RNF180: variants seen among roughly 807,000 people sequenced by gnomAD.
The protein encoded by RNF180 is E3 ubiquitin-protein ligase RNF180.
A neutral mutation model predicts 59.2 loss-of-function variants in RNF180; 38 were observed. The observed-to-expected ratio is 0.64, with a 90% CI of 0.50 to 0.84. The LOEUF is 0.84. RNF180 is among the 40% of genes least tolerant of loss of function. The pLI, the probability that RNF180 is intolerant of heterozygous loss-of-function variation, is 0.00. For missense variants in RNF180, 705 were observed against 700.9 expected (o/e 1.01, Z -0.07); for synonymous variants, 262 against 240.3 (o/e 1.09, Z -0.84).
chr5:64,327,587 A>G (rs2112529194), intron 6 of RNF180, among the ~76,000 whole-genome samples: 1 of 152,296 alleles, frequency 6.6e-6, no homozygotes, highest in East Asian at 1.9e-4. Context: ...TATAGTTTCT[A>G]ATGTTCCTCT....
intron 7 of RNF180, among the ~76,000 whole-genome samples, chr5:64,356,030 G>T (rs1214752390): frequency 6.6e-6 from 1 of 151,730 alleles, no homozygotes; most frequent in Non-Finnish European, 1.5e-5. Flanking sequence ...AATTTTGAAA[G>T]GAATCACTTG....
chr5:64,317,623 TACAC>T (rs3069586), intron 5 of RNF180, among the ~76,000 whole-genome samples: 38,916 of 144,772 alleles, frequency 0.27, 5,433 homozygotes, highest in East Asian at 0.55. Context: ...CACACATATA[TACAC>T]ACACACACAC....
intron 1 of RNF180, among the ~76,000 whole-genome samples, chr5:64,188,437 C>A (rs1334934593): frequency 2.7e-5 from 4 of 150,766 alleles, no homozygotes; most frequent in Admixed American, 6.6e-5. Flanking sequence ...AAGTGCCGTG[C>A]CCAGGAGGTA....
intron 7 of RNF180, among the ~76,000 whole-genome samples, chr5:64,339,914 T>C (rs969119863): frequency 6.6e-6 from 1 of 152,146 alleles, no homozygotes; most frequent in Non-Finnish European, 1.5e-5. Context: ...AAATGGGTAA[T>C]AAGAAAAGGA....
At chr5:64,369,496 C>A in intron 7 of RNF180, 119 bp from the exon 8 acceptor site, 1 of 537,512 alleles carries the variant, frequency 1.9e-6, no homozygotes, top group Non-Finnish European at 3.1e-6. Flanking sequence ...GTCAGGAATA[C>A]AACATAACTC....
chr5:64,338,358 G>T (rs991236603), intron 7 of RNF180, among the ~76,000 whole-genome samples: 3 of 152,152 alleles, frequency 2.0e-5, no homozygotes, highest in African/African-American at 7.2e-5. Context: ...CTTTTGGCTG[G>T]GCGCAGTGGC....
intron 3 of RNF180, among the ~76,000 whole-genome samples, chr5:64,212,489 T>G (rs938883130): frequency 1.3e-5 from 2 of 152,114 alleles, no homozygotes; most frequent in South Asian, 4.1e-4. Flanking sequence ...GTTAATTGCC[T>G]AGCTCCCACC....
At chr5:64,206,852 G>A (rs1342441675) in intron 2 of RNF180, among the ~76,000 whole-genome samples, 5 of 152,144 alleles carry the variant, frequency 3.3e-5, no homozygotes, top group Admixed American at 2.0e-4. Context: ...CCTCGCCAGA[G>A]CCAGAACATG....
rs1580010202 is a variant in RNF180 at position 64,212,066 on chromosome 5, A to G, written c.137A>G (p.Asp46Gly). Residue 46 changes from aspartate to glycine, a missense_variant and splice_region_variant, in exon 3 of 8, where the codon GAT becomes GGT. By Grantham distance (94) the Asp-to-Gly change is moderately conservative (BLOSUM62 -1). Transcript: ENST00000389100. The part of the protein sequence containing the change: ...MEYLENQVIK[D>G]KDDSVDAQNI... ...ATATCATTTATTTTTATTTAACAGG[A>G]TAAAGATGATTCAGTTGATGCTCAA... 3 of 1,544,536 alleles carry G rather than the reference A, an allele frequency of 1.9e-6. No homozygotes were observed. The highest frequency in any genetic ancestry group is 2.7e-6 in the Non-Finnish European group (3 of 1,116,994).
At chr5:64,347,991 A>G (rs980731664) in intron 7 of RNF180, among the ~76,000 whole-genome samples, 7 of 152,128 alleles carry the variant, frequency 4.6e-5, no homozygotes, top group Admixed American at 1.3e-4. Flanking sequence ...TTTTGTGAAC[A>G]AGATCATTAT....
At chr5:64,198,252 T>C (rs534692979) in intron 1 of RNF180, among the ~76,000 whole-genome samples, 28 of 152,326 alleles carry the variant, frequency 1.8e-4, no homozygotes, top group African/African-American at 6.7e-4. Context: ...ATAACTCACA[T>C]TTCAAGCACT....
chr5:64,314,191 A>G (rs1335030079), intron 5 of RNF180, among the ~76,000 whole-genome samples: 2 of 152,116 alleles, frequency 1.3e-5, no homozygotes, highest in Non-Finnish European at 2.9e-5. Flanking sequence ...GTGTCTTAGC[A>G]CTCAAAAAGT....
intron 7 of RNF180, among the ~76,000 whole-genome samples, chr5:64,360,584 AG>A (rs1262800599): frequency 1.3e-5 from 2 of 151,790 alleles, no homozygotes; most frequent in Non-Finnish European, 2.9e-5. Context: ...AAGGAAATAA[AG>A]GGTATTCAAT....
intron 7 of RNF180, among the ~76,000 whole-genome samples, chr5:64,365,609 G>T (rs1258620694): frequency 6.6e-6 from 1 of 151,672 alleles, no homozygotes; most frequent in Non-Finnish European, 1.5e-5. Context: ...TAGTGTGAGG[G>T]AGTCTGTGTC....
chr5:64,189,413 C>G (rs923883503), intron 1 of RNF180, among the ~76,000 whole-genome samples: 4 of 151,940 alleles, frequency 2.6e-5, no homozygotes, highest in Non-Finnish European at 4.4e-5. Flanking sequence ...AAGTCTCAGA[C>G]AGAAGTGAGG....
At chr5:64,299,337 T>C (rs1054454571) in intron 5 of RNF180, among the ~76,000 whole-genome samples, 1 of 151,898 alleles carries the variant, frequency 6.6e-6, no homozygotes, top group Non-Finnish European at 1.5e-5. Context: ...ATCAAAATAG[T>C]CATTATCCTA....
At chr5:64,317,878 A>T (rs973954102) in intron 5 of RNF180, among the ~76,000 whole-genome samples, 1 of 152,218 alleles carries the variant, frequency 6.6e-6, no homozygotes, top group African/African-American at 2.4e-5. Flanking sequence ...AGCCTACCTT[A>T]AATGTGCTCA....
In RNF180 at chr5:64,184,279, A is replaced by G. The variant is rs1371171764; in HGVS notation, c.1-16529A>G. On this transcript the variant is annotated intron_variant, in intron 1 of 7. Coordinates refer to ENST00000389100, the MANE Select transcript of RNF180 (RefSeq NM_001113561.2). ...GTACTTTGTTATGGTAGTACTAGCAAACTCATACCGTTGTCCTGTTTTTAG... is the reference window on the plus strand; with the variant it reads ...GTACTTTGTTATGGTAGTACTAGCAGACTCATACCGTTGTCCTGTTTTTAG... 4.6e-5 allele frequency among the ~76,000 whole-genome samples: 7 copies of G among 152,188 alleles called. No homozygotes were observed. In the East Asian group the frequency reaches 9.6e-4, roughly 21 times the overall value.
At chr5:64,300,642 GAATT>G (rs1277973397) in intron 5 of RNF180, among the ~76,000 whole-genome samples, 1 of 151,630 alleles carries the variant, frequency 6.6e-6, no homozygotes, top group East Asian at 1.9e-4. Flanking sequence ...AAATATCTGA[GAATT>G]AAGCCATTAA....
Sources: gnomAD v4.1 joint callset for allele counts (sites outside exome capture counted in the v4.1 genomes callset) on GRCh38, gnomAD v4.1.1 for gene constraint, MANE v1.5 for transcripts, NCBI Gene and HGNC (gene_info 2026-07-23, HGNC 2026-07-21) for gene names.